The following LYAR variants were observed in gnomAD, a reference collection of about 807,000 sequenced individuals.
LYAR encodes Ly1 antibody reactive.
LYAR carries 37 observed loss-of-function variants against 45.2 expected under a neutral mutation model. That is an observed-to-expected ratio of 0.82 (90% CI 0.63 to 1.08). The LOEUF (loss-of-function observed/expected upper bound fraction) is 1.08. LYAR is among the 50% of genes least tolerant of loss of function. LYAR has a pLI of 0.00. For missense variants in LYAR, 493 were observed against 451.0 expected (o/e 1.09, Z -0.84); for synonymous variants, 176 against 155.1 (o/e 1.14, Z -1.00).
intron 8 of LYAR, among the ~76,000 whole-genome samples, chr4:4,271,666 C>A (rs1289438715): frequency 2.6e-5 from 4 of 152,322 alleles, no homozygotes. Context: ...TCCACATCCT[C>A]GCCAGCATTA....
intron 2 of LYAR, among the ~76,000 whole-genome samples, chr4:4,284,953 C>T (rs1319538507): frequency 2.6e-5 from 4 of 152,138 alleles, no homozygotes; most frequent in Non-Finnish European, 4.4e-5. Flanking sequence ...ATGAAATCAC[C>T]GTTGCTCCTC....
intron 8 of LYAR, among the ~76,000 whole-genome samples, chr4:4,269,371 G>A (rs1373961885): frequency 2.0e-5 from 3 of 152,134 alleles, no homozygotes; most frequent in Non-Finnish European, 4.4e-5. Flanking sequence ...CAGAAAAAAC[G>A]GTGGCTCCAC....
At position 4,283,687 on chromosome 4, in the gene LYAR, T is replaced by C. The variant is rs1215315195; in HGVS notation, c.56A>G (p.Glu19Gly). The C allele has an allele frequency of 6.2e-7, 1 of 1,612,848 alleles. No homozygotes were observed. The highest frequency in any genetic ancestry group is 2.2e-5 in the East Asian group (1 of 44,894). ...GTTTCTGCAAACAGACACATGCTTT[T>C]CCACTTGTATTTTCTTCACTGATTC... is the stretch of plus-strand genomic sequence containing the variant. ...CGESVKKIQV[E>G]KHVSVCRNCE... is the part of the protein sequence containing the mutation. Residue 19 changes from glutamate to glycine, a missense_variant, in exon 3 of 10, where the codon GAA becomes GGA. Coordinates refer to ENST00000343470, the MANE Select transcript of LYAR (RefSeq NM_017816.3).
intron 1 of LYAR, among the ~76,000 whole-genome samples, chr4:4,287,184 A>C (rs1369801539): frequency 6.6e-6 from 1 of 152,138 alleles, no homozygotes; most frequent in Non-Finnish European, 1.5e-5. Context: ...CCCAATGTCC[A>C]GTCCCAGCGC....
At position 4,278,527 on chromosome 4, in the gene LYAR, C is replaced by G. The variant is rs181922118; in HGVS notation, c.429+920G>C. On this transcript the variant is annotated intron_variant, in intron 6 of 9. Transcript: ENST00000343470. ...CCAGAAGGAAGGCGCTTCAAGCACA[C>G]TGCTCATCTACCTTAACCGTAACCT... Among the ~76,000 whole-genome samples, 438 of 152,300 alleles carry G rather than the reference C, an allele frequency of 2.9e-3. 4 individuals are homozygous for G. The highest frequency in any genetic ancestry group is 0.024 in the Middle Eastern group (7 of 294).
chr4:4,281,810 G>C lies in LYAR; in HGVS notation c.210C>G (p.Gly70=). ...GKGYEGKTHK[G]DIKQQAWIQK... is the part of the protein sequence containing the mutation. The stretch of plus-strand genomic sequence containing the variant: ...GAATCCACGCCTGCTGTTTGATGTC[G>C]CCTTTGTGGGTTTTACCTTCATAGC... The change falls in exon 4 of 10, where the codon GGC becomes GGG. Residue 70 remains glycine, a synonymous_variant. Coordinates refer to ENST00000343470, the MANE Select transcript of LYAR (RefSeq NM_017816.3). 6.2e-7 allele frequency: 1 copy of C among 1,613,968 alleles called. No individual in the cohort carries two copies. Among genetic ancestry groups the C allele is most frequent in the Non-Finnish European group, 8.5e-7 (1 of 1,179,870 alleles).
intron 9 of LYAR, 123 bp downstream of exon 9, chr4:4,268,407 T>C (rs1718796028): frequency 2.9e-6 from 2 of 697,908 alleles, no homozygotes; most frequent in East Asian, 5.3e-5. Context: ...AGCTTGAAAA[T>C]CACTGAGACA....
At chr4:4,276,155 A>C (rs997042151) in intron 6 of LYAR, among the ~76,000 whole-genome samples, 1 of 152,098 alleles carries the variant, frequency 6.6e-6, no homozygotes, top group Non-Finnish European at 1.5e-5. Context: ...ATGCCTCTGG[A>C]GGGAAAGAGA....
At chr4:4,283,210 G>A (rs1438223472) in intron 3 of LYAR, among the ~76,000 whole-genome samples, 4 of 152,218 alleles carry the variant, frequency 2.6e-5, no homozygotes, top group Admixed American at 1.3e-4. Context: ...GAGTGCAGTG[G>A]TGAAATCTCG....
chr4:4,268,537 C>T lies in LYAR; in HGVS notation c.998G>A (p.Arg333Lys), dbSNP rs771944607. Reference sequence around the variant, plus strand: ...TTTGTTCATATGCCATACCTTTTTCCTTAGCTTTTTGATGGTTATTTCATT... The same window carrying T: ...TTTGTTCATATGCCATACCTTTTTCTTTAGCTTTTTGATGGTTATTTCATT... ...PDNEITIKKL[R>K]KKVLAQYYTV... The change falls in exon 9 of 10, where the codon AGG becomes AAG. Residue 333 changes from arginine (R) to lysine (K), a missense_variant. Coordinates refer to ENST00000343470, the MANE Select transcript of LYAR (RefSeq NM_017816.3). 2.5e-6 allele frequency: 4 copies of T among 1,609,800 alleles called. No individual in the cohort carries two copies. Among genetic ancestry groups the T allele is most frequent in the Non-Finnish European group, 3.4e-6 (4 of 1,177,448 alleles).
At chr4:4,289,470 T>C (rs1719767234) in intron 1 of LYAR, 1 of 152,218 alleles carries the variant, frequency 6.6e-6, no homozygotes. Flanking sequence ...CTAACATTCA[T>C]GGAGCACCCA....
chr4:4,277,137 C>T (rs1256915099), intron 6 of LYAR, among the ~76,000 whole-genome samples: 1 of 152,134 alleles, frequency 6.6e-6, no homozygotes. Flanking sequence ...ACCTCCGCCT[C>T]CCAGGTTCAA....
intron 3 of LYAR, 131 bp downstream of exon 3, chr4:4,283,487 CAAT>C (rs1560097225): frequency 2.2e-6 from 2 of 923,204 alleles, no homozygotes; most frequent in Non-Finnish European, 3.2e-6. Flanking sequence ...CAGTTTTAAT[CAAT>C]GGAACATACC....
At chr4:4,278,492 TCTC>T (rs1719276692) in intron 6 of LYAR, among the ~76,000 whole-genome samples, 1 of 152,186 alleles carries the variant, frequency 6.6e-6, no homozygotes, top group South Asian at 2.1e-4. Context: ...TGAAGGGAAT[TCTC>T]CTTCTACCAG....
Position 4,290,030 on chromosome 4 carries a change from C to T in LYAR, c.-108+6G>A, listed in dbSNP as rs1035250245. On this transcript the variant is annotated splice_donor_region_variant and intron_variant, in intron 1 of 9. Coordinates refer to ENST00000343470, the MANE Select transcript of LYAR (RefSeq NM_017816.3). Reference sequence around the variant, plus strand: ...CAGGTCGGACCTCTGGGCCACCACCCCTCACCTCTCAGCCAGCGCCCGCCA... The same window carrying T: ...CAGGTCGGACCTCTGGGCCACCACCTCTCACCTCTCAGCCAGCGCCCGCCA... The T allele has an allele frequency of 6.6e-6, 1 of 152,474 alleles. No homozygotes were observed. The highest frequency in any genetic ancestry group is 2.4e-5 in the African/African-American group (1 of 41,476). The allele number at this position is 152,474 out of a possible 1,614,324, so 9.4% of individuals were successfully genotyped here.
In LYAR at chr4:4,274,714, T is replaced by G; in HGVS notation, c.485A>C (p.His162Pro). The stretch of plus-strand genomic sequence containing the variant: ...TGGAACCTTGGTGGAGATTTCTGCA[T>G]GTGGATTTGCCACTGGGTGGAGTGG... ...QRPLHPVANP[H>P]AEISTKVPAS... is the part of the protein sequence containing the mutation. Residue 162 changes from histidine to proline, a missense_variant, in exon 7 of 10, where the codon CAT becomes CCT. Transcript: ENST00000343470. The G allele has an allele frequency of 6.2e-7, 1 of 1,613,574 alleles. No homozygotes were observed. Among genetic ancestry groups the G allele is most frequent in the Non-Finnish European group, 8.5e-7 (1 of 1,179,908 alleles).
intron 1 of LYAR, among the ~76,000 whole-genome samples, chr4:4,289,290 C>G (rs1460047036): frequency 2.0e-5 from 3 of 152,186 alleles, no homozygotes; most frequent in Admixed American, 6.5e-5. Context: ...AACACCATCC[C>G]TTCACTCGAG....
chr4:4,271,557 G>A lies in LYAR; in HGVS notation c.919+2026C>T, dbSNP rs141491110. 6.8e-4 allele frequency among the ~76,000 whole-genome samples: 104 copies of A among 152,278 alleles called. 2 individuals are homozygous for A. The highest frequency in any genetic ancestry group is 2.3e-3 in the African/African-American group (96 of 41,556). ...ACAGTGGGGCTGCTGGATTGGACGG[G>A]AGCTCTATTCTTAGGTTTCTGAGGA... On this transcript the variant is annotated intron_variant, in intron 8 of 9. Coordinates refer to ENST00000343470, the MANE Select transcript of LYAR (RefSeq NM_017816.3).
chr4:4,281,704 TTTACTC>T, intron 4 of LYAR, 73 bp downstream of exon 4: 1 of 1,041,714 alleles, frequency 9.6e-7, no homozygotes, highest in Non-Finnish European at 1.5e-6. Context: ...GGATGACACA[TTTACTC>T]TTAGTCTCTT....
Sources: gnomAD v4.1 joint callset for allele counts (sites outside exome capture counted in the v4.1 genomes callset) on GRCh38, gnomAD v4.1.1 for gene constraint, MANE v1.5 for transcripts, NCBI Gene and HGNC (gene_info 2026-07-23, HGNC 2026-07-21) for gene names.